Variants in SPTLC2 observed in about 807,000 individuals in gnomAD.
SPTLC2 encodes the protein serine palmitoyltransferase long chain base subunit 2.
In SPTLC2, 21 loss-of-function variants were observed where a neutral mutation model predicts 62.0. The observed-to-expected ratio is 0.34, with a 90% confidence interval of 0.24 to 0.49. The LOEUF is 0.49. Ranked by LOEUF, SPTLC2 falls within the 20% of genes least tolerant of loss-of-function variation. The pLI, the probability that SPTLC2 is intolerant of heterozygous loss-of-function variation, is 0.99. For synonymous variants in SPTLC2, 261 were observed against 261.8 expected, an observed-to-expected ratio of 1.00 and a Z score of 0.03; for missense variants, 511 against 713.0, an observed-to-expected ratio of 0.72 and a Z score of 3.23.
intron 11 of SPTLC2, among the ~76,000 whole-genome samples, chr14:77,514,023 A>G (rs1433166239): frequency 6.6e-6 from 1 of 152,064 alleles, no homozygotes; most frequent in East Asian, 1.9e-4. Context: ...CAACATAGTA[A>G]GACCTCGTCT....
rs527554344 is a variant in SPTLC2 at position 77,528,238 on chromosome 14, CTTT to C, written c.1304-6660_1304-6658del. Among the ~76,000 whole-genome samples, 51 of 149,056 alleles carry C rather than the reference CTTT, an allele frequency of 3.4e-4. 1 individual carries two copies. In the East Asian group the frequency reaches 5.1e-3, roughly 15 times the overall value. ...ACTTCCCCACCCCTCTTTTCCTCTT[CTTT>C]TTTTTTTGAGATGGAGTTTCACTCT... On this transcript the variant is annotated intron_variant, in intron 9 of 11. Coordinates refer to ENST00000216484, the MANE Select transcript of SPTLC2 (RefSeq NM_004863.4).
chr14:77,586,797 A>G (rs1266449594), intron 2 of SPTLC2, among the ~76,000 whole-genome samples: 1 of 152,242 alleles, frequency 6.6e-6, no homozygotes, highest in African/African-American at 2.4e-5. Context: ...CATTAAACAT[A>G]TAAAAAGCTG....
chr14:77,528,064 C>T (rs544861592), intron 9 of SPTLC2, among the ~76,000 whole-genome samples: 1 of 152,326 alleles, frequency 6.6e-6, no homozygotes, highest in East Asian at 1.9e-4. Flanking sequence ...TATTATACTT[C>T]ATTACACAGC....
chr14:77,578,838 T>G lies in SPTLC2; in HGVS notation c.482+117A>C, dbSNP rs2079731910. ...GAATATGTAAGGAAACCAATCATAT[T>G]GTATCCTCAGCTGCTACTCCTATTT... On this transcript the variant is annotated intron_variant, in intron 3 of 11. Coordinates refer to ENST00000216484, the MANE Select transcript of SPTLC2 (RefSeq NM_004863.4). 13 of 1,069,266 alleles carry G rather than the reference T, an allele frequency of 1.2e-5. No homozygotes were observed. In the South Asian group the frequency reaches 1.7e-4, roughly 14 times the overall value. 66.2% of individuals were successfully genotyped at this position (1,069,266 alleles called of 1,614,324 possible). A position where few individuals can be genotyped will look rare whatever the true frequency, so the allele number is the denominator to read the frequency against.
intron 5 of SPTLC2, among the ~76,000 whole-genome samples, chr14:77,567,032 C>T (rs534255527): frequency 2.6e-5 from 4 of 151,464 alleles, no homozygotes; most frequent in African/African-American, 7.3e-5. Context: ...GTGCAGTGGC[C>T]CGATCTCGGC....
chr14:77,524,532 T>C (rs888349016), intron 9 of SPTLC2, among the ~76,000 whole-genome samples: 4 of 151,620 alleles, frequency 2.6e-5, no homozygotes, highest in African/African-American at 9.7e-5. Context: ...TAAAAGGAAA[T>C]CAGTGTATCA....
At chr14:77,533,152 T>C (rs898950416) in intron 9 of SPTLC2, among the ~76,000 whole-genome samples, 5 of 151,948 alleles carry the variant, frequency 3.3e-5, no homozygotes, top group Admixed American at 6.6e-5. Context: ...ATACAAAAAT[T>C]AGCTGGGCGT....
At chr14:77,529,898 A>T (rs8003771) in intron 9 of SPTLC2, among the ~76,000 whole-genome samples, 3,735 of 152,126 alleles carry the variant, frequency 0.025, 146 homozygotes, top group African/African-American at 0.086. Flanking sequence ...ATTTCTAAGC[A>T]GGGGAATATT....
chr14:77,615,950 G>A (rs531223247), intron 1 of SPTLC2, among the ~76,000 whole-genome samples: 1 of 152,216 alleles, frequency 6.6e-6, no homozygotes, highest in African/African-American at 2.4e-5. Flanking sequence ...AGTCCAGAAT[G>A]TGGTTGGGAG....
intron 9 of SPTLC2, among the ~76,000 whole-genome samples, chr14:77,524,984 A>G (rs2079401662): frequency 6.6e-6 from 1 of 152,244 alleles, no homozygotes; most frequent in Admixed American, 6.5e-5. Context: ...ATTTCAAAAT[A>G]GCTAGAAGAG....
At chr14:77,522,256 CG>C (rs2079388300) in intron 9 of SPTLC2, among the ~76,000 whole-genome samples, 1 of 151,986 alleles carries the variant, frequency 6.6e-6, no homozygotes. Context: ...CTCTGCTTCC[CG>C]GGTTCAAGCG....
At chr14:77,591,207 A>C (rs2079814397) in intron 2 of SPTLC2, among the ~76,000 whole-genome samples, 1 of 152,248 alleles carries the variant, frequency 6.6e-6, no homozygotes, top group Non-Finnish European at 1.5e-5. Context: ...GAAAGGAGCC[A>C]GACACAGAAG....
intron 1 of SPTLC2, among the ~76,000 whole-genome samples, chr14:77,602,098 C>A (rs1380765250): frequency 1.5e-5 from 2 of 132,978 alleles, no homozygotes; most frequent in Non-Finnish European, 3.2e-5. Context: ...TGTCTCTACC[C>A]TTCTCTTTAA....
At chr14:77,566,103 T>A (rs1212224875) in intron 5 of SPTLC2, among the ~76,000 whole-genome samples, 1 of 152,176 alleles carries the variant, frequency 6.6e-6, no homozygotes, top group Non-Finnish European at 1.5e-5. Flanking sequence ...TTTCTTCTCT[T>A]TCCAGCTAAA....
intron 2 of SPTLC2, among the ~76,000 whole-genome samples, chr14:77,588,996 C>CAAAAAAAAAAAAAAAAAAAAAAAA (rs60536883): frequency 1.3e-5 from 1 of 74,628 alleles, no homozygotes; most frequent in Non-Finnish European, 2.4e-5. Flanking sequence ...GACCTTGTCT[C>CAAAAAAAAAAAAAAAAAAAAAAAA]AAAAAAAAAA....
chr14:77,570,530 G>T, intron 4 of SPTLC2, 22 bp from the exon 5 acceptor site: 1 of 1,607,728 alleles, frequency 6.2e-7, no homozygotes, highest in Non-Finnish European at 8.5e-7. Flanking sequence ...AGTTAATAAA[G>T]TCAGTATCAC....
intron 9 of SPTLC2, among the ~76,000 whole-genome samples, chr14:77,539,930 C>A (rs1379502201): frequency 6.6e-6 from 1 of 152,116 alleles, no homozygotes; most frequent in African/African-American, 2.4e-5. Flanking sequence ...GGCAAGGTGG[C>A]TCATGCCTAT....
At chr14:77,575,283 G>A (rs2140037936) in intron 4 of SPTLC2, among the ~76,000 whole-genome samples, 1 of 152,198 alleles carries the variant, frequency 6.6e-6, no homozygotes, top group African/African-American at 2.4e-5. Flanking sequence ...ATAAAAATCT[G>A]CACAATTTTA....
chr14:77,616,379 C>T, intron 1 of SPTLC2, 69 bp downstream of exon 1: 3 of 1,035,694 alleles, frequency 2.9e-6, no homozygotes, highest in South Asian at 7.4e-5. Flanking sequence ...CCGGAGACCT[C>T]GCCCCGCCCG....
Sources: allele counts gnomAD v4.1 joint callset (sites outside exome capture counted in the v4.1 genomes callset), GRCh38; gene constraint gnomAD v4.1.1; transcripts MANE v1.5; gene names NCBI Gene and HGNC (gene_info 2026-07-23, HGNC 2026-07-21).